SULF1: variants seen among roughly 807,000 people sequenced by gnomAD.
SULF1 encodes extracellular sulfatase Sulf-1.
In SULF1, 46 loss-of-function variants were observed where a neutral mutation model predicts 110.5. The ratio of observed to expected loss-of-function variants is 0.42; its 90% confidence interval spans 0.33 to 0.53. The LOEUF (loss-of-function observed/expected upper bound fraction) is 0.53, where lower values mean the gene tolerates loss of function less well. Ranked by LOEUF, SULF1 falls within the 20% of genes least tolerant of loss-of-function variation. SULF1 has a pLI of 0.12. For missense variants in SULF1, 941 were observed against 1,094.2 expected, an observed-to-expected ratio of 0.86 and a Z score of 1.98; for synonymous variants, 371 against 387.1, an observed-to-expected ratio of 0.96 and a Z score of 0.49.
chr8:69,514,053 T>G (rs528119207), intron 3 of SULF1, among the ~76,000 whole-genome samples: 9 of 152,290 alleles, frequency 5.9e-5, no homozygotes, highest in Admixed American at 3.3e-4. Context: ...CCATTTCTCA[T>G]CTGTAACATG....
intron 19 of SULF1, among the ~76,000 whole-genome samples, chr8:69,633,365 G>C (rs930543462): frequency 7.4e-6 from 1 of 134,232 alleles, no homozygotes; most frequent in African/African-American, 2.8e-5. Flanking sequence ...TTTCGCTCTT[G>C]TTGCCCAGGC....
chr8:69,506,221 G>C (rs1470545793), intron 3 of SULF1, among the ~76,000 whole-genome samples: 1 of 143,310 alleles, frequency 7.0e-6, no homozygotes, highest in African/African-American at 2.7e-5. Flanking sequence ...TTATAAGAGA[G>C]ATAACACTAA....
intron 3 of SULF1, among the ~76,000 whole-genome samples, chr8:69,537,745 C>T (rs901709856): frequency 1.3e-5 from 2 of 152,158 alleles, no homozygotes; most frequent in Non-Finnish European, 2.9e-5. Flanking sequence ...GAGTGTGTGA[C>T]ATGCAGTGCT....
intron 22 of SULF1, among the ~76,000 whole-genome samples, chr8:69,641,763 A>T (rs1272526090): frequency 1.3e-5 from 2 of 151,970 alleles, no homozygotes; most frequent in East Asian, 1.9e-4. Context: ...ATAAATAAAT[A>T]AAAAAATAAA....
At chr8:69,644,864 T>G (rs1811768925) in intron 22 of SULF1, among the ~76,000 whole-genome samples, 2 of 152,066 alleles carry the variant, frequency 1.3e-5, no homozygotes, top group Admixed American at 1.3e-4. Context: ...TGTCCTGATG[T>G]AGGTTACCCT....
chr8:69,638,283 T>C, intron 19 of SULF1: 1 of 579,602 alleles, frequency 1.7e-6, no homozygotes, highest in East Asian at 3.1e-5. Flanking sequence ...GTCTTCAGCC[T>C]ATAAGAGATC....
At chr8:69,616,137 T>TATAC (rs1554590166) in intron 13 of SULF1, among the ~76,000 whole-genome samples, 2 of 139,176 alleles carry the variant, frequency 1.4e-5, no homozygotes, top group African/African-American at 5.3e-5. Flanking sequence ...TGTATATATA[T>TATAC]ACACACATAT....
At chr8:69,537,688 C>A (rs879592056) in intron 3 of SULF1, among the ~76,000 whole-genome samples, 31 of 152,154 alleles carry the variant, frequency 2.0e-4, no homozygotes, top group Admixed American at 2.0e-3. Context: ...TACTATCCTG[C>A]CATATGTCAG....
intron 1 of SULF1, among the ~76,000 whole-genome samples, chr8:69,469,812 C>T (rs9298149): frequency 0.16 from 24,137 of 152,220 alleles, 2,331 homozygotes; most frequent in Non-Finnish European, 0.22. Flanking sequence ...GAGGCCGAGG[C>T]GGGTGGATCA....
chr8:69,481,221 G>T (rs1316618820), intron 1 of SULF1, among the ~76,000 whole-genome samples: 4 of 151,962 alleles, frequency 2.6e-5, no homozygotes, highest in Non-Finnish European at 4.4e-5. Context: ...CAATCCACTG[G>T]AAAATGTGAT....
upstream of SULF1, among the ~76,000 whole-genome samples, chr8:69,490,992 C>T (rs1809912800): frequency 6.6e-6 from 1 of 152,148 alleles, no homozygotes. Flanking sequence ...GCCGAATCCT[C>T]AGGAACTTGA....
At position 69,576,238 on chromosome 8, in the gene SULF1, C is replaced by T. The variant is rs780743837; in HGVS notation, c.412+29C>T. ...AGGGATGACGTTTCTAGCCCATGAACGTCTTGTAATATGTCTTAGACTCAG... is the reference window on the plus strand; with the variant it reads ...AGGGATGACGTTTCTAGCCCATGAATGTCTTGTAATATGTCTTAGACTCAG... On this transcript the variant is annotated intron_variant, in intron 6 of 22. Transcript: ENST00000402687. 5.6e-6 allele frequency: 9 copies of T among 1,604,146 alleles called. No individual in the cohort carries two copies. The African/African-American group carries it at 1.1e-4, about 19-fold the overall frequency.
At chr8:69,585,905 G>C (rs2150764720) in intron 6 of SULF1, among the ~76,000 whole-genome samples, 1 of 152,288 alleles carries the variant, frequency 6.6e-6, no homozygotes, top group Admixed American at 6.5e-5. Context: ...CTTTTCAATA[G>C]TGTTTTTATA....
chr8:69,524,170 G>GA (rs5892195), intron 3 of SULF1, among the ~76,000 whole-genome samples: 126,919 of 151,886 alleles, frequency 0.84, 53,304 homozygotes, highest in African/African-American at 0.92. Context: ...AAGGGACAGA[G>GA]AAGAAAAGCA....
At chr8:69,608,885 C>T (rs913881178) in intron 13 of SULF1, among the ~76,000 whole-genome samples, 1 of 152,120 alleles carries the variant, frequency 6.6e-6, no homozygotes, top group Non-Finnish European at 1.5e-5. Context: ...CTGGGCGTTA[C>T]ACCCCCGGAC....
intron 19 of SULF1, among the ~76,000 whole-genome samples, chr8:69,630,966 C>G (rs536031966): frequency 6.6e-5 from 10 of 151,504 alleles, no homozygotes; most frequent in South Asian, 2.1e-4. Flanking sequence ...TATCCCTCCC[C>G]CCTGCCCCCA....
intron 3 of SULF1, among the ~76,000 whole-genome samples, chr8:69,510,621 T>TG: frequency 1.1e-4 from 1 of 9,048 alleles, no homozygotes; most frequent in Non-Finnish European, 3.2e-4. Context: ...TTTTTTTTTG[T>TG]TTTTTTTTTT....
intron 3 of SULF1, among the ~76,000 whole-genome samples, chr8:69,508,985 T>G (rs1811381769): frequency 6.6e-6 from 1 of 152,132 alleles, no homozygotes; most frequent in African/African-American, 2.4e-5. Flanking sequence ...GTGCTGAGAG[T>G]CAAGATATCG....
At chr8:69,502,862 A>G (rs1810913093) in intron 3 of SULF1, among the ~76,000 whole-genome samples, 1 of 151,078 alleles carries the variant, frequency 6.6e-6, no homozygotes, top group African/African-American at 2.4e-5. Context: ...TAATTTTTGT[A>G]TTTTAGCAGA....
Sources: allele counts gnomAD v4.1 joint callset (sites outside exome capture counted in the v4.1 genomes callset), GRCh38; gene constraint gnomAD v4.1.1; transcripts MANE v1.5; gene names NCBI Gene and HGNC (gene_info 2026-07-23, HGNC 2026-07-21).